The following SFMBT2 variants were observed in gnomAD, a reference collection of about 807,000 sequenced individuals.
SFMBT2 encodes Scm like with four mbt domains 2, also known as scm-like with four MBT domains protein 2.
In SFMBT2, 38 loss-of-function variants were observed where a neutral mutation model predicts 110.1. The ratio of observed to expected loss-of-function variants is 0.35; its 90% confidence interval spans 0.27 to 0.45. The LOEUF (loss-of-function observed/expected upper bound fraction) is 0.45, where lower values mean the gene tolerates loss of function less well. SFMBT2 is among the 20% of genes least tolerant of loss of function. The pLI, the probability that SFMBT2 is intolerant of heterozygous loss-of-function variation, is 1.00. For missense variants in SFMBT2, 1,011 were observed against 1,094.9 expected (o/e 0.92, Z 1.08); for synonymous variants, 425 against 425.4 (o/e 1.00, Z 0.01).
chr10:7,193,168 T>C (rs990352042), intron 15 of SFMBT2, among the ~76,000 whole-genome samples: 7 of 152,144 alleles, frequency 4.6e-5, no homozygotes, highest in African/African-American at 1.2e-4. Context: ...CTCCTGAACC[T>C]GGACTGCCAA....
Position 7,269,756 on chromosome 10 carries a change from GTGTC to G in SFMBT2, c.870+7132_870+7135del, listed in dbSNP as rs1841520782. On this transcript the variant is annotated intron_variant, in intron 7 of 20. Transcript: ENST00000397167. ...TGTGTGTGTGTGTGTGTGTGTGTGT[GTGTC>G]TCTTTTTGGATCCTGCACAAAGAAT... is the stretch of plus-strand genomic sequence containing the variant. 1.2e-4 allele frequency among the ~76,000 whole-genome samples: 17 copies of G among 141,430 alleles called. 1 individual carries two copies. In the South Asian group the frequency reaches 1.4e-3, roughly 12 times the overall value. The allele number at this position is 141,430 out of a possible 152,430, so 92.8% of individuals were successfully genotyped here.
At chr10:7,202,135 A>C (rs938534119) in intron 13 of SFMBT2, among the ~76,000 whole-genome samples, 1 of 151,930 alleles carries the variant, frequency 6.6e-6, no homozygotes, top group African/African-American at 2.4e-5. Context: ...AGGGGCTGCG[A>C]CTCGAAACTG....
At chr10:7,349,045 C>T (rs1290927527) in intron 4 of SFMBT2, among the ~76,000 whole-genome samples, 1 of 152,202 alleles carries the variant, frequency 6.6e-6, no homozygotes, top group Non-Finnish European at 1.5e-5. Context: ...CTCCACCTCT[C>T]TGACTCCGCT....
In SFMBT2 at chr10:7,301,613, T is replaced by C. The variant is rs1200583524; in HGVS notation, c.437-15659A>G. On this transcript the variant is annotated intron_variant, in intron 4 of 20. Coordinates refer to ENST00000397167, the MANE Select transcript of SFMBT2 (RefSeq NM_001387889.1). The surrounding 1 kb of genome is among the most constrained non-coding windows in gnomAD (Gnocchi z 4.2). ...ACCAGCCAGGGGCATCTCCGCTGCCTCCACAGGACAAACCAGAGACTGCAA... is the reference window on the plus strand; with the variant it reads ...ACCAGCCAGGGGCATCTCCGCTGCCCCCACAGGACAAACCAGAGACTGCAA... 6.6e-6 allele frequency among the ~76,000 whole-genome samples: 1 copy of C among 152,114 alleles called. No individual in the cohort carries two copies. The highest frequency in any genetic ancestry group is 2.4e-5 in the African/African-American group (1 of 41,426).
At chr10:7,270,897 T>A (rs1344750763) in intron 7 of SFMBT2, among the ~76,000 whole-genome samples, 2 of 152,224 alleles carry the variant, frequency 1.3e-5, no homozygotes, top group Admixed American at 1.3e-4. Flanking sequence ...ATTACAAATA[T>A]ATTAGAATGA....
chr10:7,297,395 C>T (rs756441567), intron 4 of SFMBT2, among the ~76,000 whole-genome samples: 2 of 152,180 alleles, frequency 1.3e-5, no homozygotes, highest in Non-Finnish European at 2.9e-5. Context: ...GTAAAACAAG[C>T]CTACTAGCTG....
At chr10:7,211,979 CCA>C (rs1839367042) in intron 11 of SFMBT2, among the ~76,000 whole-genome samples, 1 of 152,278 alleles carries the variant, frequency 6.6e-6, no homozygotes, top group South Asian at 2.1e-4. Context: ...TTTCTCTGAA[CCA>C]CACCATGCAT....
chr10:7,388,524 ATTT>A (rs60231769), intron 1 of SFMBT2, among the ~76,000 whole-genome samples: 8,811 of 112,144 alleles, frequency 0.079, 319 homozygotes, highest in African/African-American at 0.21. Flanking sequence ...TACCCAGCTA[ATTT>A]TTTTTTTTTT....
chr10:7,283,058 C>T (rs1841992459), intron 6 of SFMBT2, among the ~76,000 whole-genome samples: 1 of 152,108 alleles, frequency 6.6e-6, no homozygotes, highest in African/African-American at 2.4e-5. Flanking sequence ...AACAGGGGAC[C>T]TTGGACAACT....
intron 3 of SFMBT2, among the ~76,000 whole-genome samples, 179 bp from the exon 4 acceptor site, chr10:7,368,068 A>G (rs1318803904): frequency 5.9e-5 from 9 of 152,246 alleles, no homozygotes; most frequent in African/African-American, 2.2e-4. Context: ...TAAACTTTAC[A>G]TTTGCAGCCA....
At chr10:7,185,270 C>T (rs78150423) in intron 16 of SFMBT2, among the ~76,000 whole-genome samples, 115 of 152,284 alleles carry the variant, frequency 7.6e-4, no homozygotes, top group African/African-American at 2.6e-3. Context: ...AAGTTCACCT[C>T]GTGCGTTTTC....
rs373625345 is a variant in SFMBT2, at chr10:7,160,563, A to T, written c.*3207T>A. The T allele has an allele frequency of 1.3e-5, 2 of 152,366 alleles. No homozygotes were observed. Among genetic ancestry groups the T allele is most frequent in the Admixed American group, 6.5e-5 (1 of 15,306 alleles). The allele number at this position is 152,366 out of a possible 1,614,324, so 9.4% of individuals were successfully genotyped here. ...AAAGAATCATCAAAGAGAGACGGAG[A>T]AGAAACGGTACCATCCAGGGAAGGA... On this transcript the variant is annotated 3_prime_UTR_variant, in exon 21 of 21. Transcript: ENST00000397167.
intron 7 of SFMBT2, among the ~76,000 whole-genome samples, chr10:7,251,188 A>G (rs570155150): frequency 1.3e-5 from 2 of 152,236 alleles, no homozygotes; most frequent in East Asian, 3.9e-4. Flanking sequence ...AAAAAGATTA[A>G]AAGTGGGCTG....
Position 7,165,073 on chromosome 10 carries a change from G to A in SFMBT2, c.2545-1163C>T, listed in dbSNP as rs956466104. Among the ~76,000 whole-genome samples, 32 of 152,066 alleles carry A rather than the reference G, an allele frequency of 2.1e-4. 1 individual carries two copies. The highest frequency in any genetic ancestry group is 6.6e-5 in the Admixed American group (1 of 15,262). The stretch of plus-strand genomic sequence containing the variant: ...TTTGACCGGACTGCTGACTTTAACC[G>A]CAATCCTCCCTCCTATTTACCAAGA... On this transcript the variant is annotated intron_variant, in intron 20 of 20. Transcript: ENST00000397167.
At chr10:7,211,553 C>T (rs879635404) in intron 11 of SFMBT2, among the ~76,000 whole-genome samples, 2 of 152,192 alleles carry the variant, frequency 1.3e-5, no homozygotes, top group Non-Finnish European at 2.9e-5. Flanking sequence ...GAGCAGCAGC[C>T]TTCCAAACAA....
chr10:7,268,778 T>C (rs1389327597), intron 7 of SFMBT2, among the ~76,000 whole-genome samples: 1 of 152,246 alleles, frequency 6.6e-6, no homozygotes, highest in African/African-American at 2.4e-5. Flanking sequence ...CCCAAAGTGC[T>C]GCGATTACAG....
intron 11 of SFMBT2, 32 bp downstream of exon 11, chr10:7,220,379 C>T: frequency 6.2e-7 from 1 of 1,604,846 alleles, no homozygotes. Context: ...CTACATTCCC[C>T]CCAGCGACTG....
chr10:7,271,294 A>AAAG (rs1386896338), intron 7 of SFMBT2, among the ~76,000 whole-genome samples: 1 of 150,398 alleles, frequency 6.6e-6, no homozygotes, highest in East Asian at 1.9e-4. Context: ...TTGCCTCCAA[A>AAAG]AAAAAAAAAA....
intron 16 of SFMBT2, among the ~76,000 whole-genome samples, chr10:7,184,675 T>C (rs1838343355): frequency 2.0e-5 from 3 of 152,198 alleles, no homozygotes; most frequent in African/African-American, 7.2e-5. Flanking sequence ...AGAATGTCAC[T>C]ATGGTCTAAG....
Sources: gnomAD v4.1 joint callset for allele counts (sites outside exome capture counted in the v4.1 genomes callset) on GRCh38, gnomAD v4.1.1 for gene constraint, Gnocchi (gnomAD v3.1) non-coding constraint, MANE v1.5 for transcripts, NCBI Gene and HGNC (gene_info 2026-07-23, HGNC 2026-07-21) for gene names.